XKR9: variants seen among roughly 807,000 people sequenced by gnomAD.
XKR9 encodes XK related 9, also known as XK-related protein 9.
A neutral mutation model predicts 32.0 loss-of-function variants in XKR9; 32 were observed. The ratio of observed to expected loss-of-function variants is 1.00; its 90% CI spans 0.76 to 1.34. The LOEUF is 1.34. Ranked by LOEUF, XKR9 falls within the 40% of genes most tolerant of loss-of-function variation. The pLI is 0.00. For synonymous variants in XKR9, 168 were observed against 143.4 expected (o/e 1.17, Z -1.22); for missense variants, 546 against 429.7 (o/e 1.27, Z -2.39).
chr8:70,978,063 C>T, the XKR9 span, among the ~76,000 whole-genome samples: 1 of 152,056 alleles, frequency 6.6e-6, no homozygotes, highest in Non-Finnish European at 1.5e-5. Context: ...GCAACCCATG[C>T]TTTTTTTGCT....
the XKR9 span, among the ~76,000 whole-genome samples, chr8:70,935,587 A>G: frequency 6.6e-6 from 1 of 151,950 alleles, no homozygotes; most frequent in Non-Finnish European, 1.5e-5. Context: ...AGAAAATTAT[A>G]TTTGTTTTAC....
chr8:71,034,932 C>T, the XKR9 span, among the ~76,000 whole-genome samples: 2 of 152,144 alleles, frequency 1.3e-5, no homozygotes, highest in African/African-American at 2.4e-5. Flanking sequence ...GCCTTTTTTA[C>T]TGCTCAGTCT....
the XKR9 span, among the ~76,000 whole-genome samples, chr8:70,952,719 A>G: frequency 6.6e-6 from 1 of 152,212 alleles, no homozygotes; most frequent in Non-Finnish European, 1.5e-5. Context: ...CTGAAGAAAT[A>G]GGTGGGGTAT....
At chr8:70,783,923 A>C (rs1807648982) in intron 2 of XKR9, among the ~76,000 whole-genome samples, 2 of 152,296 alleles carry the variant, frequency 1.3e-5, no homozygotes, top group East Asian at 3.9e-4. Context: ...CTGCATGTGG[A>C]CATTCAATTT....
chr8:70,810,477 T>C, the XKR9 span, among the ~76,000 whole-genome samples: 465 of 152,280 alleles, frequency 3.1e-3, 3 homozygotes, highest in African/African-American at 0.011. Context: ...AATGCTCCAA[T>C]TAAAAGACAC....
the XKR9 span, among the ~76,000 whole-genome samples, chr8:70,997,401 A>G: frequency 6.6e-6 from 1 of 152,208 alleles, no homozygotes; most frequent in East Asian, 1.9e-4. Context: ...TTAAACTTAT[A>G]TTAAACATAT....
chr8:71,050,760 C>T, the XKR9 span, among the ~76,000 whole-genome samples: 1 of 152,118 alleles, frequency 6.6e-6, no homozygotes. Flanking sequence ...TAAATGAAAT[C>T]TACTGCACTT....
At chr8:70,675,898 GTT>G (rs551655564) in intron 2 of XKR9, among the ~76,000 whole-genome samples, 58 of 152,232 alleles carry the variant, frequency 3.8e-4, no homozygotes, top group African/African-American at 1.3e-3. Context: ...GCCTCTGCCT[GTT>G]ACTCAGTTCT....
the XKR9 span, among the ~76,000 whole-genome samples, chr8:71,006,167 C>T: frequency 6.6e-6 from 1 of 152,188 alleles, no homozygotes; most frequent in Non-Finnish European, 1.5e-5. Flanking sequence ...TTAATGCAAA[C>T]CAGAGAGAGT....
intron 3 of XKR9, among the ~76,000 whole-genome samples, chr8:70,695,068 T>C (rs1015083553): frequency 1.8e-4 from 28 of 151,904 alleles, no homozygotes; most frequent in African/African-American, 6.8e-4. Flanking sequence ...CTTCACTAGG[T>C]TGGGGAGAAT....
the XKR9 span, among the ~76,000 whole-genome samples, chr8:70,856,455 G>A: frequency 2.0e-5 from 3 of 152,140 alleles, no homozygotes; most frequent in Admixed American, 6.5e-5. Flanking sequence ...CAATACAGGA[G>A]CAACCAGATT....
the XKR9 span, among the ~76,000 whole-genome samples, chr8:70,999,190 C>A: frequency 6.6e-6 from 1 of 152,086 alleles, no homozygotes; most frequent in Non-Finnish European, 1.5e-5. Context: ...GAATAGGTAT[C>A]AGAAGTAGAA....
the XKR9 span, among the ~76,000 whole-genome samples, chr8:70,863,989 A>G: frequency 1.3e-5 from 2 of 152,162 alleles, no homozygotes; most frequent in Non-Finnish European, 2.9e-5. Flanking sequence ...AGCTGTTTGC[A>G]TATATAAACA....
At chr8:70,742,581 G>A (rs986483696) in intron 2 of XKR9, among the ~76,000 whole-genome samples, 5 of 152,104 alleles carry the variant, frequency 3.3e-5, no homozygotes, top group African/African-American at 1.2e-4. Context: ...GGTTAGGTTT[G>A]TTAGTGATGA....
the XKR9 span, among the ~76,000 whole-genome samples, chr8:70,800,685 CA>C: frequency 6.6e-6 from 1 of 152,038 alleles, no homozygotes; most frequent in Non-Finnish European, 1.5e-5. Flanking sequence ...GGCATTTCAC[CA>C]TGTTGGCCAG....
intron 2 of XKR9, among the ~76,000 whole-genome samples, chr8:70,769,163 G>T (rs1370077765): frequency 6.6e-6 from 1 of 151,642 alleles, no homozygotes; most frequent in Middle Eastern, 3.2e-3. Context: ...GACTGTAAAG[G>T]ATTTTATTTT....
chr8:70,823,884 A>G, the XKR9 span, among the ~76,000 whole-genome samples: 2 of 152,200 alleles, frequency 1.3e-5, no homozygotes, highest in Admixed American at 6.5e-5. Flanking sequence ...GGCGCTAGCA[A>G]CACTGAGGAT....
chr8:70,784,663 T>C (rs1807660024), intron 2 of XKR9, among the ~76,000 whole-genome samples: 1 of 152,114 alleles, frequency 6.6e-6, no homozygotes, highest in Non-Finnish European at 1.5e-5. Flanking sequence ...GTTTACTTCT[T>C]TCTTTTCTAT....
chr8:70,814,440 T>C, the XKR9 span, among the ~76,000 whole-genome samples: 8 of 150,940 alleles, frequency 5.3e-5, no homozygotes, highest in African/African-American at 2.0e-4. Flanking sequence ...CTTAAAAGTA[T>C]AATAATATTA....
Sources: allele counts gnomAD v4.1 joint callset (sites outside exome capture counted in the v4.1 genomes callset), GRCh38; gene constraint gnomAD v4.1.1; transcripts MANE v1.5; gene names NCBI Gene and HGNC (gene_info 2026-07-23, HGNC 2026-07-21).